The following WDTC1 variants were observed in gnomAD, a reference collection of about 807,000 sequenced individuals.
WDTC1 encodes WD and tetratricopeptide repeats protein 1.
A neutral mutation model predicts 76.0 loss-of-function variants in WDTC1; 12 were observed. The observed-to-expected ratio is 0.16, with a 90% confidence interval of 0.10 to 0.26. The LOEUF is 0.26. Among genes scored for constraint, WDTC1 ranks in the 10% least tolerant of loss-of-function variants. The pLI is 1.00. For synonymous variants in WDTC1, 326 were observed against 350.8 expected (o/e 0.93, Z 0.79); for missense variants, 511 against 908.8 (o/e 0.56, Z 5.63).
intron 1 of WDTC1, among the ~76,000 whole-genome samples, chr1:27,247,200 G>A (rs1029580340): frequency 7.9e-5 from 12 of 151,934 alleles, no homozygotes; most frequent in African/African-American, 2.7e-4. Context: ...GGGATTACAG[G>A]TGCCTGCCAC....
chr1:27,237,720 A>G (rs1279229126), intron 1 of WDTC1, among the ~76,000 whole-genome samples: 1 of 152,030 alleles, frequency 6.6e-6, no homozygotes, highest in East Asian at 1.9e-4. Context: ...GCATGGTGGC[A>G]CGCGCCTGTA....
At chr1:27,268,591 G>A (rs1226713222) in intron 3 of WDTC1, among the ~76,000 whole-genome samples, 1 of 151,666 alleles carries the variant, frequency 6.6e-6, no homozygotes, top group African/African-American at 2.4e-5. Flanking sequence ...GCTAATTTCT[G>A]TATTTTTAGT....
Position 27,297,091 on chromosome 1 carries a change from T to A in WDTC1, c.993T>A (p.Gly331=), listed in dbSNP as rs1340223870. The A allele has an allele frequency of 6.2e-6, 10 of 1,613,926 alleles. No homozygotes were observed. Among genetic ancestry groups the A allele is most frequent in the Non-Finnish European group, 8.5e-6 (10 of 1,179,980 alleles). ...GKMSTNGVSN[G]VSNGLHLHSN... is the part of the protein sequence containing the mutation. ...TGTCCACCAACGGTGTGTCCAACGG[T>A]GTGTCCAATGGCCTGCACCTTCATA... Residue 331 remains glycine (G), a synonymous_variant, in exon 11 of 16, where the codon GGT becomes GGA. Transcript: ENST00000319394.
chr1:27,280,177 G>T (rs895860611), intron 3 of WDTC1, among the ~76,000 whole-genome samples: 1 of 152,188 alleles, frequency 6.6e-6, no homozygotes, highest in Middle Eastern at 3.2e-3. Flanking sequence ...GACAGGGCCT[G>T]ACACATAGTA....
chr1:27,301,592 T>G lies in WDTC1; in HGVS notation c.1468+131T>G. ...TGTTGATTCAGAAACCATGCAACTT[T>G]GGGGCAGTTACTTGGTGTCTCTCTC... On this transcript the variant is annotated intron_variant, in intron 13 of 15. Coordinates refer to ENST00000319394, the MANE Select transcript of WDTC1 (RefSeq NM_001276252.2). The surrounding 1 kb of genome is among the most constrained non-coding windows in gnomAD (Gnocchi z 5.8). The G allele has an allele frequency of 9.6e-7, 1 of 1,042,272 alleles. No homozygotes were observed. The highest frequency in any genetic ancestry group is 2.6e-5 in the East Asian group (1 of 38,548). 64.6% of individuals were successfully genotyped at this position (1,042,272 alleles called of 1,614,324 possible). A position where few individuals can be genotyped will look rare whatever the true frequency, so the allele number is the denominator to read the frequency against.
At chr1:27,239,246 G>A (rs1485608181) in intron 1 of WDTC1, among the ~76,000 whole-genome samples, 1 of 148,496 alleles carries the variant, frequency 6.7e-6, no homozygotes. Context: ...GGCTTGGCAC[G>A]GTGGCTCACA....
intron 1 of WDTC1, among the ~76,000 whole-genome samples, chr1:27,258,522 A>G (rs2012359222): frequency 1.1e-5 from 1 of 95,160 alleles, no homozygotes; most frequent in African/African-American, 3.6e-5. Flanking sequence ...ACAGAACAAG[A>G]CTCTGCCAAA....
At chr1:27,259,928 T>C (rs2012421195) in intron 1 of WDTC1, among the ~76,000 whole-genome samples, 1 of 151,826 alleles carries the variant, frequency 6.6e-6, no homozygotes, top group Non-Finnish European at 1.5e-5. Flanking sequence ...TCTCAGTTAT[T>C]CAGGAGGCTG....
At chr1:27,281,726 A>C (rs1322859765) in intron 3 of WDTC1, among the ~76,000 whole-genome samples, 1 of 151,990 alleles carries the variant, frequency 6.6e-6, no homozygotes, top group Non-Finnish European at 1.5e-5. Flanking sequence ...AGTAGCTTGG[A>C]CTACAGGCAC....
At chr1:27,290,704 A>G (rs937333365) in intron 6 of WDTC1, among the ~76,000 whole-genome samples, 6 of 152,100 alleles carry the variant, frequency 3.9e-5, no homozygotes, top group South Asian at 2.1e-4. Context: ...TCCTTTCTTC[A>G]GCTGTGACCT....
At chr1:27,284,241 A>G (rs1028576380) in intron 5 of WDTC1, among the ~76,000 whole-genome samples, 5 of 151,670 alleles carry the variant, frequency 3.3e-5, no homozygotes, top group Non-Finnish European at 5.9e-5. Flanking sequence ...AGATGAGTAA[A>G]TGTCCTATCC....
intron 13 of WDTC1, among the ~76,000 whole-genome samples, chr1:27,302,073 G>A (rs776371278): frequency 3.3e-5 from 5 of 152,178 alleles, no homozygotes; most frequent in Admixed American, 6.5e-5. Context: ...GTCTGTAAAC[G>A]TGAACGGTGA....
chr1:27,234,818 G>A lies in WDTC1; in HGVS notation c.-233G>A. The A allele has an allele frequency of 2.5e-6, 1 of 397,702 alleles. No homozygotes were observed. 24.6% of individuals were successfully genotyped at this position (397,702 alleles called of 1,614,324 possible). ...CGCCGGGCGGGGAGCATGGGAAGGGGCTAGAACTGCTCGAGCCCCCCAGCC... is the reference window on the plus strand; with the variant it reads ...CGCCGGGCGGGGAGCATGGGAAGGGACTAGAACTGCTCGAGCCCCCCAGCC... On this transcript the variant is annotated 5_prime_UTR_variant, in exon 1 of 16. Coordinates refer to ENST00000319394, the MANE Select transcript of WDTC1 (RefSeq NM_001276252.2).
At chr1:27,239,200 A>T (rs1359879720) in intron 1 of WDTC1, among the ~76,000 whole-genome samples, 1 of 145,634 alleles carries the variant, frequency 6.9e-6, no homozygotes, top group Non-Finnish European at 1.5e-5. Context: ...CACCATGCCC[A>T]GCCTCCCTGT....
At chr1:27,239,105 T>C (rs2011559167) in intron 1 of WDTC1, among the ~76,000 whole-genome samples, 1 of 149,638 alleles carries the variant, frequency 6.7e-6, no homozygotes, top group Admixed American at 6.6e-5. Flanking sequence ...GGTTTCACTA[T>C]GTTGCTCAGG....
intron 3 of WDTC1, among the ~76,000 whole-genome samples, chr1:27,277,201 CTT>C (rs1371759536): frequency 1.3e-5 from 2 of 151,984 alleles, no homozygotes; most frequent in South Asian, 4.2e-4. Context: ...CCCAACTAAA[CTT>C]TTTTTCTTTT....
At chr1:27,269,621 G>GTTTTTTTT (rs538857228) in intron 3 of WDTC1, among the ~76,000 whole-genome samples, 3 of 126,874 alleles carry the variant, frequency 2.4e-5, no homozygotes, top group Non-Finnish European at 3.1e-5. Flanking sequence ...TTTTTTTTCG[G>GTTTTTTTT]TTTTTTTTTT....
At chr1:27,287,937 T>C in intron 6 of WDTC1, 76 bp downstream of exon 6, 1 of 1,504,504 alleles carries the variant, frequency 6.6e-7, no homozygotes, top group Admixed American at 2.1e-5. Flanking sequence ...TCTACAGACC[T>C]AGCTCTTTCC....
chr1:27,276,076 A>G (rs766447148), intron 3 of WDTC1, among the ~76,000 whole-genome samples: 1 of 152,180 alleles, frequency 6.6e-6, no homozygotes, highest in Non-Finnish European at 1.5e-5. Flanking sequence ...TTGCGGCCAA[A>G]TAGCATTCCA....
Sources: allele counts gnomAD v4.1 joint callset (sites outside exome capture counted in the v4.1 genomes callset), GRCh38; gene constraint gnomAD v4.1.1; non-coding constraint Gnocchi (gnomAD v3.1); transcripts MANE v1.5; gene names NCBI Gene and HGNC (gene_info 2026-07-23, HGNC 2026-07-21).